Variants in RGS6 observed in about 807,000 individuals in gnomAD.
RGS6 encodes the protein regulator of G protein signaling 6.
Under a neutral mutation model 78.5 loss-of-function variants are expected in RGS6, and 30 were observed. The ratio of observed to expected loss-of-function variants is 0.38; its 90% CI spans 0.29 to 0.52. The LOEUF is 0.52. RGS6 is among the 20% of genes least tolerant of loss of function. The probability of loss-of-function intolerance (pLI) is 0.85; values close to 1 mark genes in which losing one functional copy is unlikely to be tolerated. For missense variants in RGS6, 495 were observed against 609.7 expected (o/e 0.81, Z 1.98); for synonymous variants, 206 against 206.0 (o/e 1.00, Z 0.00).
At chr14:72,516,263 C>T (rs748006989) in intron 14 of RGS6, among the ~76,000 whole-genome samples, 20 of 152,238 alleles carry the variant, frequency 1.3e-4, no homozygotes, top group Non-Finnish European at 2.6e-4. Flanking sequence ...AGCCTCCCGG[C>T]CACTTCCTTC....
chr14:72,082,232 C>T (rs986177097), intron 2 of RGS6, among the ~76,000 whole-genome samples: 7 of 152,028 alleles, frequency 4.6e-5, no homozygotes, highest in African/African-American at 1.7e-4. Flanking sequence ...CTTTAGATCC[C>T]TTTGGGTAGT....
intron 7 of RGS6, chr14:72,469,798 A>G (rs1272984355): frequency 1.2e-5 from 6 of 494,054 alleles, no homozygotes; most frequent in Admixed American, 3.7e-5. Flanking sequence ...TTCAGACTTA[A>G]TGGGTGTGTA....
intron 17 of RGS6, chr14:72,541,078 A>T (rs2097320375): frequency 7.4e-7 from 1 of 1,353,716 alleles, no homozygotes; most frequent in Admixed American, 1.9e-5. Context: ...CCCATCCTGT[A>T]CCATGAACAT....
At chr14:71,959,264 G>A (rs553832427) in intron 1 of RGS6, among the ~76,000 whole-genome samples, 77 of 152,096 alleles carry the variant, frequency 5.1e-4, no homozygotes, top group African/African-American at 1.6e-3. Flanking sequence ...AAACAAGCTC[G>A]TACTACTGAG....
At chr14:72,034,238 T>A (rs1314582326) in intron 2 of RGS6, among the ~76,000 whole-genome samples, 3 of 152,282 alleles carry the variant, frequency 2.0e-5, no homozygotes, top group Non-Finnish European at 4.4e-5. Flanking sequence ...TGGGCCTCTG[T>A]CTTGTTTCTG....
intron 2 of RGS6, among the ~76,000 whole-genome samples, chr14:72,209,542 G>A (rs2043539398): frequency 6.6e-6 from 1 of 152,148 alleles, no homozygotes; most frequent in Non-Finnish European, 1.5e-5. Context: ...GCTGGGGGAT[G>A]TGACACAGTT....
At chr14:71,923,760 A>T in the RGS6 span, among the ~76,000 whole-genome samples, 2 of 152,060 alleles carry the variant, frequency 1.3e-5, no homozygotes, top group Non-Finnish European at 2.9e-5. Flanking sequence ...CAGAAAACAG[A>T]TCAGTAGTCA....
intron 2 of RGS6, among the ~76,000 whole-genome samples, chr14:72,351,285 G>A (rs1329280689): frequency 6.6e-6 from 1 of 152,106 alleles, no homozygotes; most frequent in African/African-American, 2.4e-5. Context: ...CTGTTCTGAA[G>A]ATTTCTGCTC....
chr14:72,350,283 G>A (rs891030436), intron 2 of RGS6, among the ~76,000 whole-genome samples: 7 of 152,126 alleles, frequency 4.6e-5, no homozygotes, highest in African/African-American at 9.7e-5. Flanking sequence ...TGATTTTCTG[G>A]GAGGCAGAAT....
At chr14:72,312,147 A>G in intron 2 of RGS6, among the ~76,000 whole-genome samples, 1 of 151,676 alleles carries the variant, frequency 6.6e-6, no homozygotes, top group East Asian at 1.9e-4. Context: ...GAGTTTCTGC[A>G]GGGGAATGTG....
rs79956799 is a variant in RGS6, at chr14:72,252,039, C to T, written c.85-100056C>T. Among the ~76,000 whole-genome samples the T allele has an allele frequency of 4.9e-4, 74 of 152,210 alleles. 1 individual carries two copies. The East Asian group carries it at 0.011, about 22-fold the overall frequency. ...ATGCCATTGGAGTGAAGACTCTGAA[C>T]TAAATTAAAAAGAATGTGTTAGACT... On this transcript the variant is annotated intron_variant, in intron 2 of 17. Transcript: ENST00000553525.
intron 13 of RGS6, among the ~76,000 whole-genome samples, chr14:72,509,512 G>A (rs1452128104): frequency 6.6e-6 from 1 of 152,132 alleles, no homozygotes; most frequent in Non-Finnish European, 1.5e-5. Context: ...AATCATACTA[G>A]TACATTTTTC....
rs191890629 is a variant in RGS6, at chr14:72,066,431, A to T, written c.84+101556A>T. Among the ~76,000 whole-genome samples, 55 of 152,106 alleles carry T rather than the reference A, an allele frequency of 3.6e-4. 2 individuals are homozygous for T. Among genetic ancestry groups the T allele is most frequent in the African/African-American group, 1.2e-3 (50 of 41,486 alleles). ...ATTGTGTTTTCTTTAAATACACAAG[A>T]TAATAGAATTGTAACTGGAATTTAC... On this transcript the variant is annotated intron_variant, in intron 2 of 17. Transcript: ENST00000553525.
At chr14:72,328,005 A>T (rs1372572131) in intron 2 of RGS6, among the ~76,000 whole-genome samples, 1 of 152,202 alleles carries the variant, frequency 6.6e-6, no homozygotes, top group Non-Finnish European at 1.5e-5. Flanking sequence ...TCTCCAAGCT[A>T]GAGAAGCAGG....
At chr14:72,182,418 A>C (rs2097185719) in intron 2 of RGS6, among the ~76,000 whole-genome samples, 3 of 13,866 alleles carry the variant, frequency 2.2e-4, no homozygotes, top group Middle Eastern at 0.17. Flanking sequence ...CTCCATCTCA[A>C]AAAAAAAAAA....
chr14:72,369,071 C>T lies in RGS6; in HGVS notation c.184+16877C>T, dbSNP rs114141070. Among the ~76,000 whole-genome samples, 1,044 of 152,242 alleles carry T rather than the reference C, an allele frequency of 6.9e-3. 10 individuals carry two copies. The highest frequency in any genetic ancestry group is 0.024 in the African/African-American group (979 of 41,554). The stretch of plus-strand genomic sequence containing the variant: ...AAATCACACACACACACAAAAATCT[C>T]ATAATGTTTTAAGAAAATTGACTAA... On this transcript the variant is annotated intron_variant, in intron 3 of 17. Coordinates refer to ENST00000553525, the MANE Select transcript of RGS6 (RefSeq NM_001204424.2).
rs138503131 is a variant in RGS6, at chr14:72,243,890, T to A, written c.85-108205T>A. On this transcript the variant is annotated intron_variant, in intron 2 of 17. Transcript: ENST00000553525. Reference sequence around the variant, plus strand: ...GAATACAGTTCACTCTGTAGAGAAATAACAGCCTGGGAGATCATGGACCAG... The same window carrying A: ...GAATACAGTTCACTCTGTAGAGAAAAAACAGCCTGGGAGATCATGGACCAG... 4.1e-4 allele frequency among the ~76,000 whole-genome samples: 62 copies of A among 152,242 alleles called. 1 individual carries two copies. The East Asian group carries it at 0.011, about 28-fold the overall frequency.
chr14:72,492,856 T>A (rs1394594780), intron 12 of RGS6, among the ~76,000 whole-genome samples: 1 of 152,232 alleles, frequency 6.6e-6, no homozygotes, highest in East Asian at 1.9e-4. Flanking sequence ...CGCATTCATT[T>A]GCAAGCTGTC....
the RGS6 span, among the ~76,000 whole-genome samples, chr14:71,893,118 C>A: frequency 3.3e-5 from 5 of 152,172 alleles, no homozygotes; most frequent in East Asian, 9.6e-4. Flanking sequence ...GTACTCTAAT[C>A]AGGAATTATA....
Sources: gnomAD v4.1 joint callset for allele counts (sites outside exome capture counted in the v4.1 genomes callset) on GRCh38, gnomAD v4.1.1 for gene constraint, MANE v1.5 for transcripts, NCBI Gene and HGNC (gene_info 2026-07-23, HGNC 2026-07-21) for gene names.